The following STAG1 variants were observed in gnomAD, a reference collection of about 807,000 sequenced individuals.
STAG1 encodes STAG1 cohesin complex component, also known as cohesin subunit SA-1.
STAG1 carries 26 observed loss-of-function variants against 170.9 expected under a neutral mutation model. The ratio of observed to expected loss-of-function variants is 0.15; its 90% CI spans 0.11 to 0.21. The LOEUF is 0.21. Among genes scored for constraint, STAG1 ranks in the 10% least tolerant of loss-of-function variants. The probability of loss-of-function intolerance (pLI) is 1.00; values close to 1 mark genes in which losing one functional copy is unlikely to be tolerated. For missense variants in STAG1, 964 were observed against 1,509.5 expected (o/e 0.64, Z 5.99); for synonymous variants, 514 against 497.7 (o/e 1.03, Z -0.44).
intron 2 of STAG1, among the ~76,000 whole-genome samples, chr3:136,625,378 T>C (rs1940048323): frequency 6.6e-6 from 1 of 152,226 alleles, no homozygotes; most frequent in Non-Finnish European, 1.5e-5. Context: ...TCAGTACACC[T>C]GACCGCATTC....
chr3:136,511,994 C>T (rs993054755), intron 7 of STAG1, among the ~76,000 whole-genome samples: 1 of 150,362 alleles, frequency 6.7e-6, no homozygotes. Flanking sequence ...GGTGGGCACA[C>T]CTATAATCCT....
At chr3:136,690,089 A>G (rs1330169686) in intron 1 of STAG1, among the ~76,000 whole-genome samples, 1 of 151,342 alleles carries the variant, frequency 6.6e-6, no homozygotes, top group Non-Finnish European at 1.5e-5. Context: ...AGTAAAGAAA[A>G]GAGAGAAAAA....
intron 9 of STAG1, among the ~76,000 whole-genome samples, chr3:136,486,406 C>G (rs1476419648): frequency 1.3e-5 from 2 of 152,162 alleles, no homozygotes; most frequent in Non-Finnish European, 2.9e-5. Context: ...CAAATAAAAA[C>G]AAGCTAACAG....
At chr3:136,534,118 C>T (rs1935508156) in intron 6 of STAG1, among the ~76,000 whole-genome samples, 1 of 152,162 alleles carries the variant, frequency 6.6e-6, no homozygotes, top group Admixed American at 6.5e-5. Context: ...TTACAGCCAA[C>T]TGATGTTTGA....
intron 1 of STAG1, among the ~76,000 whole-genome samples, chr3:136,692,620 G>A (rs569773199): frequency 6.6e-6 from 1 of 151,488 alleles, no homozygotes; most frequent in South Asian, 2.1e-4. Context: ...GGGGAACAAA[G>A]CAAGACTCTG....
At chr3:136,461,623 G>T (rs2089277063) in intron 13 of STAG1, among the ~76,000 whole-genome samples, 1 of 151,562 alleles carries the variant, frequency 6.6e-6, no homozygotes, top group Non-Finnish European at 1.5e-5. Flanking sequence ...AAAACACTGG[G>T]GATTCTTAAG....
intron 4 of STAG1, among the ~76,000 whole-genome samples, chr3:136,572,862 T>C (rs1349224554): frequency 6.6e-6 from 1 of 152,068 alleles, no homozygotes; most frequent in Non-Finnish European, 1.5e-5. Context: ...CATAAAGATA[T>C]GAAGATAAAT....
At chr3:136,406,338 C>A (rs2087483533) in intron 21 of STAG1, among the ~76,000 whole-genome samples, 2 of 152,098 alleles carry the variant, frequency 1.3e-5, no homozygotes, top group South Asian at 4.1e-4. Flanking sequence ...ATTTGGAAAT[C>A]TTAGAAAGAT....
Position 136,502,703 on chromosome 3 carries a change from A to G in STAG1, c.753T>C (p.Tyr251=). ...SIHQDNTQRQ[Y]EAERNKMIGK... ...CAATCATTTTATTTCTCTCGGCTTC[A>G]TATTGTCTCTGGGTATTATCCTGAT... The change falls in exon 8 of 34, where the codon TAT becomes TAC. Residue 251 remains tyrosine, a synonymous_variant. Coordinates refer to ENST00000383202, the MANE Select transcript of STAG1 (RefSeq NM_005862.3). The G allele has an allele frequency of 6.2e-7, 1 of 1,613,918 alleles. No individual in the cohort carries two copies. The highest frequency in any genetic ancestry group is 8.5e-7 in the Non-Finnish European group (1 of 1,179,944).
chr3:136,576,597 T>A (rs1347613469), intron 4 of STAG1, among the ~76,000 whole-genome samples: 1 of 152,190 alleles, frequency 6.6e-6, no homozygotes, highest in Non-Finnish European at 1.5e-5. Flanking sequence ...AAAATAACAT[T>A]TTTTAAATTG....
At chr3:136,737,124 C>A in intron 1 of STAG1, 2 of 825,430 alleles carry the variant, frequency 2.4e-6, no homozygotes, top group Non-Finnish European at 4.3e-6. Flanking sequence ...CTGATTTTTT[C>A]ACGTTAGAAC....
chr3:136,407,026 C>A (rs2087503574), intron 21 of STAG1, among the ~76,000 whole-genome samples: 1 of 151,914 alleles, frequency 6.6e-6, no homozygotes, highest in Non-Finnish European at 1.5e-5. Flanking sequence ...TCTCTTTTTG[C>A]AATCTCTTTT....
intron 23 of STAG1, among the ~76,000 whole-genome samples, chr3:136,371,674 G>C (rs959796342): frequency 2.0e-5 from 3 of 152,000 alleles, no homozygotes; most frequent in African/African-American, 7.3e-5. Context: ...GTAGATATGC[G>C]GCATTATTTC....
intron 9 of STAG1, among the ~76,000 whole-genome samples, chr3:136,479,349 T>C (rs1037140368): frequency 7.1e-5 from 9 of 127,418 alleles, no homozygotes; most frequent in African/African-American, 1.7e-4. Context: ...GTTCTTGCGA[T>C]AGTTTACTGA....
chr3:136,433,998 C>T (rs963947673), intron 15 of STAG1, among the ~76,000 whole-genome samples: 1 of 151,692 alleles, frequency 6.6e-6, no homozygotes, highest in Admixed American at 6.6e-5. Context: ...AAGACTATGC[C>T]GTATGTTTTT....
intron 22 of STAG1, among the ~76,000 whole-genome samples, chr3:136,387,365 G>A (rs1313237786): frequency 6.6e-6 from 1 of 152,174 alleles, no homozygotes; most frequent in South Asian, 2.1e-4. Flanking sequence ...GAGCTATAAA[G>A]ATCTTTGGAG....
chr3:136,610,755 A>C (rs1402112171), intron 3 of STAG1, among the ~76,000 whole-genome samples: 1 of 152,208 alleles, frequency 6.6e-6, no homozygotes, highest in Non-Finnish European at 1.5e-5. Context: ...AAGAAAAAAA[A>C]CACATTTACT....
At chr3:136,388,316 T>A (rs946722401) in intron 22 of STAG1, among the ~76,000 whole-genome samples, 4 of 152,046 alleles carry the variant, frequency 2.6e-5, no homozygotes, top group African/African-American at 9.7e-5. Flanking sequence ...CCAAAGACCA[T>A]GTTCCAACAC....
chr3:136,481,517 TC>T (rs1263291166), intron 9 of STAG1, among the ~76,000 whole-genome samples: 1 of 107,052 alleles, frequency 9.3e-6, no homozygotes, highest in African/African-American at 3.8e-5. Context: ...TCAATGTTCA[TC>T]AAGGATATTG....
Sources: allele counts gnomAD v4.1 joint callset (sites outside exome capture counted in the v4.1 genomes callset), GRCh38; gene constraint gnomAD v4.1.1; transcripts MANE v1.5; gene names NCBI Gene and HGNC (gene_info 2026-07-23, HGNC 2026-07-21).